The following DOC2B variants were observed in gnomAD, a reference collection of about 807,000 sequenced individuals.
DOC2B encodes the protein double C2-like domain-containing protein beta.
DOC2B carries 21 observed loss-of-function variants against 28.9 expected under a neutral mutation model. The ratio of observed to expected loss-of-function variants is 0.73; its 90% CI spans 0.52 to 1.05. The LOEUF (loss-of-function observed/expected upper bound fraction) is 1.05. Ranked by LOEUF, DOC2B falls within the 50% of genes least tolerant of loss-of-function variation. The pLI, the probability that DOC2B is intolerant of heterozygous loss-of-function variation, is 0.00. For synonymous variants in DOC2B, 194 were observed against 178.1 expected (o/e 1.09, Z -0.71); for missense variants, 384 against 421.1 (o/e 0.91, Z 0.77).
chr17:155,040 T>C (rs2040118166), intron 6 of DOC2B, among the ~76,000 whole-genome samples: 1 of 152,198 alleles, frequency 6.6e-6, no homozygotes, highest in African/African-American at 2.4e-5. Context: ...AATTTATTAC[T>C]ATTTTTAACT....
At chr17:165,891 G>A (rs2040257711) in intron 2 of DOC2B, among the ~76,000 whole-genome samples, 1 of 152,214 alleles carries the variant, frequency 6.6e-6, no homozygotes, top group African/African-American at 2.4e-5. Flanking sequence ...ACATTTGTTT[G>A]TTGTAGCTTA....
intron 1 of DOC2B, among the ~76,000 whole-genome samples, chr17:176,544 C>T (rs1160013914): frequency 6.6e-6 from 1 of 152,028 alleles, no homozygotes. Flanking sequence ...TTTTTTTTGG[C>T]CACTTTGTTT....
At chr17:158,720 T>C (rs1413944645) in intron 5 of DOC2B, among the ~76,000 whole-genome samples, 1 of 152,186 alleles carries the variant, frequency 6.6e-6, no homozygotes, top group African/African-American at 2.4e-5. Context: ...GCTGCTTGTG[T>C]CAGTGTGTGT....
chr17:170,289 C>T (rs111907650), intron 2 of DOC2B, among the ~76,000 whole-genome samples: 7,708 of 152,210 alleles, frequency 0.051, 207 homozygotes, highest in Non-Finnish European at 0.065. Flanking sequence ...CTAGAGAGGG[C>T]AGGGGTGGGA....
At chr17:180,777 C>G (rs1393072425) in intron 1 of DOC2B, among the ~76,000 whole-genome samples, 1 of 151,664 alleles carries the variant, frequency 6.6e-6, no homozygotes, top group Non-Finnish European at 1.5e-5. Context: ...CAAAAGCAGC[C>G]GCCCGCGCCG....
chr17:171,881 C>T (rs2040314530), intron 2 of DOC2B, among the ~76,000 whole-genome samples: 1 of 54,750 alleles, frequency 1.8e-5, no homozygotes, highest in African/African-American at 8.0e-5. Context: ...CCGGGCCAGG[C>T]TGCAGAGGGG....
In DOC2B at chr17:181,429, A is replaced by T; in HGVS notation, c.51T>A (p.His17Gln). The T allele has an allele frequency of 6.8e-6, 8 of 1,168,882 alleles. No homozygotes were observed. The highest frequency in any genetic ancestry group is 8.6e-6 in the Non-Finnish European group (8 of 933,932). 72.4% of individuals were successfully genotyped at this position (1,168,882 alleles called of 1,614,324 possible). A position where few individuals can be genotyped will look rare whatever the true frequency, so the allele number is the denominator to read the frequency against. Residue 17 changes from histidine (H) to glutamine (Q), a missense_variant, in exon 1 of 9, where the codon CAT becomes CAA. His to Gln is a conservative substitution (Grantham distance 24). Transcript: ENST00000613549. This position sits in a 1 kb window ranked among gnomAD's most constrained non-coding sequence, Gnocchi z 7.0. ...GEKATISIQE[H>Q]MAIDVCPGPI... ...GGCCGGGGCACACGTCGATGGCCAT[A>T]TGCTCCTGGATGCTGATGGTCGCCT...
At position 146,408 on chromosome 17, in the gene DOC2B, G is replaced by A. The variant is rs2040019447; in HGVS notation, c.*1033C>T. 1 of 152,218 alleles carries A rather than the reference G, an allele frequency of 6.6e-6. No homozygotes were observed. The highest frequency in any genetic ancestry group is 1.5e-5 in the Non-Finnish European group (1 of 68,072). The allele number at this position is 152,218 out of a possible 1,614,324, so 9.4% of individuals were successfully genotyped here. A position where few individuals can be genotyped will look rare whatever the true frequency, so the allele number is the denominator to read the frequency against. On this transcript the variant is annotated 3_prime_UTR_variant, in exon 9 of 9. Coordinates refer to ENST00000613549, the MANE Select transcript of DOC2B (RefSeq NM_003585.5). ...AGGAGGAGGGGCGGGCTCCGTCCTT[G>A]AGGTCCCTCAGGAGTAGAAAGAGAT... is the stretch of plus-strand genomic sequence containing the variant.
In DOC2B at chr17:181,522, C is replaced by G. The variant is rs1306909683; in HGVS notation, c.-43G>C. ...GCCCCGGGCGCGGCCCGGCCCGGCG[C>G]GACCCCGGCCCGGGGGCGGCTCAGC... is the stretch of plus-strand genomic sequence containing the variant. On this transcript the variant is annotated 5_prime_UTR_variant, in exon 1 of 9. Transcript: ENST00000613549. The surrounding 1 kb of genome is among the most constrained non-coding windows in gnomAD (Gnocchi z 7.0). 40 of 977,556 alleles carry G rather than the reference C, an allele frequency of 4.1e-5. No individual in the cohort carries two copies. The highest frequency in any genetic ancestry group is 1.0e-3 in the Middle Eastern group (2 of 1,934). The allele number at this position is 977,556 out of a possible 1,614,324, so 60.6% of individuals were successfully genotyped here. A position where few individuals can be genotyped will look rare whatever the true frequency, so the allele number is the denominator to read the frequency against.
At chr17:177,445 T>C (rs1201903663) in intron 1 of DOC2B, among the ~76,000 whole-genome samples, 1 of 152,160 alleles carries the variant, frequency 6.6e-6, no homozygotes, top group Non-Finnish European at 1.5e-5. Context: ...TTTCTGACAC[T>C]TCAGGACCTG....
At chr17:164,990 G>T (rs1391871833) in intron 2 of DOC2B, among the ~76,000 whole-genome samples, 1 of 152,146 alleles carries the variant, frequency 6.6e-6, no homozygotes, top group East Asian at 1.9e-4. Context: ...GCTCACACCA[G>T]GCCCATCTCC....
At chr17:174,390 G>A (rs1030542857) in intron 1 of DOC2B, among the ~76,000 whole-genome samples, 2 of 152,286 alleles carry the variant, frequency 1.3e-5, no homozygotes, top group East Asian at 3.9e-4. Context: ...GTGCTCAGTA[G>A]ATCATTATAG....
chr17:156,190 G>C (rs761144867), intron 6 of DOC2B, 30 bp downstream of exon 6: 81 of 1,526,480 alleles, frequency 5.3e-5, no homozygotes, highest in Non-Finnish European at 6.8e-5. Context: ...GTGAAGACGT[G>C]GCAGGTGGTC....
intron 3 of DOC2B, chr17:163,706 A>T (rs1001426807): frequency 5.9e-6 from 1 of 168,304 alleles, no homozygotes; most frequent in Non-Finnish European, 1.3e-5. Context: ...GTCAGGGAAC[A>T]GCCCATCAAC....
At chr17:157,422 G>T (rs1029781258) in intron 5 of DOC2B, among the ~76,000 whole-genome samples, 7 of 152,134 alleles carry the variant, frequency 4.6e-5, no homozygotes, top group Admixed American at 4.6e-4. Context: ...CTTCCTCAGG[G>T]CTCTGCCCCA....
chr17:171,971 GC>G (rs1197778110), intron 2 of DOC2B, among the ~76,000 whole-genome samples: 3 of 149,348 alleles, frequency 2.0e-5, no homozygotes, highest in Non-Finnish European at 3.0e-5. Context: ...CAGGGGCCGG[GC>G]CAGGCTGCAG....
In DOC2B at chr17:181,116, C is replaced by T; in HGVS notation, c.364G>A (p.Asp122Asn). 8.0e-7 allele frequency: 1 copy of T among 1,251,748 alleles called. No individual in the cohort carries two copies. Among genetic ancestry groups the T allele is most frequent in the Non-Finnish European group, 1.0e-6 (1 of 997,952 alleles). The allele number at this position is 1,251,748 out of a possible 1,614,324, so 77.5% of individuals were successfully genotyped here. A position where few individuals can be genotyped will look rare whatever the true frequency, so the allele number is the denominator to read the frequency against. ...CGCGTGGGAAACTTACTGCAGTCGT[C>T]CGACTCGTAGCCGTCGGCGTCCGGC... ...DEPDADGYES[D>N]DCTALGTLDF... The change falls in exon 1 of 9, where the codon GAC (aspartate) becomes AAC (asparagine). Residue 122 changes from aspartate (D) to asparagine (N), a missense_variant. Coordinates refer to ENST00000613549, the MANE Select transcript of DOC2B (RefSeq NM_003585.5). This position sits in a 1 kb window ranked among gnomAD's most constrained non-coding sequence, Gnocchi z 7.0.
At chr17:158,298 C>CACATGCCCAGCTTGAGCCCACACAG (rs1159704740) in intron 5 of DOC2B, among the ~76,000 whole-genome samples, 29 of 152,198 alleles carry the variant, frequency 1.9e-4, no homozygotes, top group African/African-American at 7.0e-4. Flanking sequence ...AGCCCACCCA[C>CACATGCCCAGCTTGAGCCCACACAG]ACACGCCCAG....
intron 2 of DOC2B, 36 bp from the exon 3 acceptor site, chr17:164,240 T>G: frequency 6.7e-7 from 1 of 1,490,918 alleles, no homozygotes; most frequent in Non-Finnish European, 9.2e-7. Flanking sequence ...GAACTGGAAA[T>G]CGGGGACATG....
Sources: gnomAD v4.1 joint callset for allele counts (sites outside exome capture counted in the v4.1 genomes callset) on GRCh38, gnomAD v4.1.1 for gene constraint, Gnocchi (gnomAD v3.1) non-coding constraint, MANE v1.5 for transcripts, NCBI Gene and HGNC (gene_info 2026-07-23, HGNC 2026-07-21) for gene names.